Variants in SCLT1 observed in about 807,000 individuals in gnomAD.
SCLT1 encodes the protein sodium channel and clathrin linker 1, also known as sodium channel-associated protein 1.
SCLT1 carries 78 observed loss-of-function variants against 112.8 expected under a neutral mutation model. That is an observed-to-expected ratio of 0.69 (90% CI 0.58 to 0.83). The LOEUF is 0.83. Ranked by LOEUF, SCLT1 falls within the 40% of genes least tolerant of loss-of-function variation. The pLI, the probability that SCLT1 is intolerant of heterozygous loss-of-function variation, is 0.00. For synonymous variants in SCLT1, 257 were observed against 254.7 expected (o/e 1.01, Z -0.09); for missense variants, 747 against 770.4 (o/e 0.97, Z 0.36).
At position 129,039,090 on chromosome 4, in the gene SCLT1, C is replaced by T; in HGVS notation, c.241G>A (p.Val81Met). ...NGQLKYYQKQ[V>M]GEMKLQLENV... Reference sequence around the variant, plus strand: ...TCAAGTTGTAATTTCATCTCACCCACCTGTTTCTGAAAGAATAAAATATGG... The same window carrying T: ...TCAAGTTGTAATTTCATCTCACCCATCTGTTTCTGAAAGAATAAAATATGG... Residue 81 changes from valine (V) to methionine (M), a missense_variant, in exon 5 of 21, where the codon GTG becomes ATG. Val to Met is a conservative substitution (Grantham distance 21). Around this residue, in one of 2 missense-constraint regions of SCLT1, gnomAD observed 723 missense variants for 721.3 expected, o/e 1.00. Coordinates refer to ENST00000281142, the MANE Select transcript of SCLT1 (RefSeq NM_144643.4). 1 of 1,598,700 alleles carries T rather than the reference C, an allele frequency of 6.3e-7. No homozygotes were observed. The highest frequency in any genetic ancestry group is 8.6e-7 in the Non-Finnish European group (1 of 1,166,610).
At chr4:128,914,016 T>C (rs1735286253) in intron 18 of SCLT1, among the ~76,000 whole-genome samples, 2 of 152,204 alleles carry the variant, frequency 1.3e-5, no homozygotes, top group Non-Finnish European at 2.9e-5. Flanking sequence ...GCTGGCTTAC[T>C]ACTTAGCAGC....
chr4:129,000,099 G>A lies in SCLT1; in HGVS notation c.427-305C>T, dbSNP rs574180624. 7.9e-5 allele frequency among the ~76,000 whole-genome samples: 12 copies of A among 151,898 alleles called. 1 individual carries two copies. The highest frequency in any genetic ancestry group is 2.7e-4 in the African/African-American group (11 of 41,496). ...TTCTTTGTTCCACAAGAAAGTATAAGCCCTAGAAACTGATGAAGAAGAAAA... is the reference window on the plus strand; with the variant it reads ...TTCTTTGTTCCACAAGAAAGTATAAACCCTAGAAACTGATGAAGAAGAAAA... On this transcript the variant is annotated intron_variant, in intron 6 of 20. Coordinates refer to ENST00000281142, the MANE Select transcript of SCLT1 (RefSeq NM_144643.4).
At chr4:129,084,944 T>A (rs1752264216) in intron 1 of SCLT1, among the ~76,000 whole-genome samples, 1 of 152,064 alleles carries the variant, frequency 6.6e-6, no homozygotes, top group Admixed American at 6.5e-5. Flanking sequence ...AGCAACACCA[T>A]CTGGACACAG....
chr4:129,000,799 T>C (rs1743409530), intron 6 of SCLT1, among the ~76,000 whole-genome samples: 1 of 152,134 alleles, frequency 6.6e-6, no homozygotes, highest in South Asian at 2.1e-4. Flanking sequence ...AGTGCGCTTA[T>C]GTAACCAGCA....
intron 2 of SCLT1, among the ~76,000 whole-genome samples, chr4:129,081,400 G>A (rs1198163668): frequency 2.0e-5 from 3 of 152,180 alleles, no homozygotes; most frequent in Non-Finnish European, 4.4e-5. Context: ...TAACTCCTTT[G>A]TCTCCGCTGG....
chr4:129,070,390 C>CT (rs374556971), intron 2 of SCLT1, among the ~76,000 whole-genome samples: 22 of 147,080 alleles, frequency 1.5e-4, no homozygotes, highest in Admixed American at 2.7e-4. Context: ...TGGTCCTGGA[C>CT]TTTTTTTTTT....
chr4:128,927,920 G>C (rs2125969904), intron 18 of SCLT1, among the ~76,000 whole-genome samples: 1 of 151,982 alleles, frequency 6.6e-6, no homozygotes, highest in East Asian at 1.9e-4. Flanking sequence ...GAATGCAAAA[G>C]GAAGTATTAC....
chr4:129,083,666 G>GA (rs1208552697), intron 1 of SCLT1, among the ~76,000 whole-genome samples: 44 of 142,566 alleles, frequency 3.1e-4, no homozygotes, highest in Admixed American at 1.5e-3. Context: ...CTCTATCTCA[G>GA]AAAAAAAAAA....
At chr4:129,034,881 G>A (rs1311381304) in intron 5 of SCLT1, among the ~76,000 whole-genome samples, 3 of 152,170 alleles carry the variant, frequency 2.0e-5, no homozygotes, top group Middle Eastern at 3.4e-3. Context: ...AGATGTGGCA[G>A]GCCAGATTTG....
chr4:129,002,486 GA>G (rs1743588812), intron 6 of SCLT1, among the ~76,000 whole-genome samples: 2 of 151,710 alleles, frequency 1.3e-5, no homozygotes, highest in South Asian at 4.1e-4. Flanking sequence ...TCAGAAAAAA[GA>G]ACACTGAAAA....
chr4:128,924,482 AG>A (rs1736139282), intron 18 of SCLT1, among the ~76,000 whole-genome samples: 1 of 151,692 alleles, frequency 6.6e-6, no homozygotes, highest in African/African-American at 2.4e-5. Context: ...TGTTAGCCAG[AG>A]TGGTTTTGAA....
intron 2 of SCLT1, among the ~76,000 whole-genome samples, chr4:129,057,042 A>G (rs1579876245): frequency 1.3e-5 from 2 of 152,346 alleles, no homozygotes; most frequent in East Asian, 3.9e-4. Context: ...TTTTAAATCA[A>G]GAAGATATGT....
chr4:128,978,019 G>A (rs751492796), intron 9 of SCLT1, among the ~76,000 whole-genome samples: 4 of 152,120 alleles, frequency 2.6e-5, no homozygotes, highest in Admixed American at 6.6e-5. Flanking sequence ...GAGCCAACAC[G>A]AGCAGATGTA....
chr4:128,993,915 C>G (rs1742790243), intron 8 of SCLT1, among the ~76,000 whole-genome samples: 2 of 151,978 alleles, frequency 1.3e-5, no homozygotes, highest in African/African-American at 4.8e-5. Flanking sequence ...AATCTATCTA[C>G]AGCATAATAA....
At chr4:128,923,282 C>A (rs1163688705) in intron 18 of SCLT1, among the ~76,000 whole-genome samples, 4 of 151,930 alleles carry the variant, frequency 2.6e-5, no homozygotes, top group African/African-American at 9.7e-5. Context: ...CCCGTCTCTA[C>A]TAAAAATACA....
chr4:128,927,592 A>G (rs1030446563), intron 18 of SCLT1, among the ~76,000 whole-genome samples: 1 of 152,012 alleles, frequency 6.6e-6, no homozygotes, highest in Admixed American at 6.6e-5. Context: ...AAAAAAGGAA[A>G]ATAATTTGAA....
chr4:129,044,234 C>G (rs2125700218), intron 2 of SCLT1, among the ~76,000 whole-genome samples, 183 bp from the exon 3 acceptor site: 1 of 151,948 alleles, frequency 6.6e-6, no homozygotes, highest in South Asian at 2.1e-4. Flanking sequence ...ATTTAATACC[C>G]ATGCACAATA....
At chr4:129,057,870 G>GCTC (rs1749580374) in intron 2 of SCLT1, among the ~76,000 whole-genome samples, 1 of 151,810 alleles carries the variant, frequency 6.6e-6, no homozygotes, top group Non-Finnish European at 1.5e-5. Context: ...TTGTGCCTCA[G>GCTC]TCATCCAAGT....
At chr4:128,910,648 T>C (rs1735021850) in intron 18 of SCLT1, among the ~76,000 whole-genome samples, 1 of 152,122 alleles carries the variant, frequency 6.6e-6, no homozygotes, top group Non-Finnish European at 1.5e-5. Context: ...GTCTTCTCTA[T>C]TCCAAGAGAA....
Sources: allele counts gnomAD v4.1 joint callset (sites outside exome capture counted in the v4.1 genomes callset), GRCh38; gene constraint gnomAD v4.1.1; regional missense constraint gnomAD v4.1.1; transcripts MANE v1.5; gene names NCBI Gene and HGNC (gene_info 2026-07-23, HGNC 2026-07-21).